Variants in PCDH15 observed in about 807,000 individuals in gnomAD.
PCDH15 encodes the protein protocadherin related 15.
In PCDH15, 129 loss-of-function variants were observed where a neutral mutation model predicts 178.5. That is an observed-to-expected ratio of 0.72 (90% CI 0.63 to 0.84). The LOEUF (loss-of-function observed/expected upper bound fraction) is 0.84, where lower values mean the gene tolerates loss of function less well. Ranked by LOEUF, PCDH15 falls within the 40% of genes least tolerant of loss-of-function variation. The pLI is 0.00. For missense variants in PCDH15, 2,230 were observed against 2,099.9 expected (o/e 1.06, Z -1.21); for synonymous variants, 800 against 732.0 (o/e 1.09, Z -1.50).
intron 2 of PCDH15, among the ~76,000 whole-genome samples, chr10:54,960,108 TG>T (rs1398321771): frequency 6.6e-6 from 1 of 152,142 alleles, no homozygotes; most frequent in African/African-American, 2.4e-5. Flanking sequence ...GCTTTATTCT[TG>T]TATTTAATAG....
chr10:55,354,216 G>A lies in PCDH15; in HGVS notation c.-155-187565C>T, dbSNP rs114333319. Among the ~76,000 whole-genome samples the A allele has an allele frequency of 5.6e-3, 846 of 152,144 alleles. 10 individuals carry two copies. The highest frequency in any genetic ancestry group is 0.019 in the African/African-American group (808 of 41,500). ...ATATCCAGATTTTGACCTCCCATCA[G>A]TTTGGATACCTGTAACCAACCTCTG... On this transcript the variant is annotated intron_variant, in intron 2 of 5. Coordinates refer to the PCDH15 transcript ENST00000613346.
At chr10:54,600,831 G>A (rs2092486493) in intron 2 of PCDH15, 2 of 365,976 alleles carry the variant, frequency 5.5e-6, no homozygotes, top group African/African-American at 2.1e-5. Context: ...TGCAAGCTCA[G>A]TGTGCTCCCC....
intron 2 of PCDH15, among the ~76,000 whole-genome samples, chr10:55,477,144 A>G (rs1384478356): frequency 1.3e-5 from 2 of 151,936 alleles, no homozygotes; most frequent in Non-Finnish European, 2.9e-5. Flanking sequence ...CCTCCTCCCC[A>G]ACAGATACTA....
At chr10:54,557,318 G>A (rs1231401315) in intron 2 of PCDH15, among the ~76,000 whole-genome samples, 2 of 152,038 alleles carry the variant, frequency 1.3e-5, no homozygotes, top group East Asian at 1.9e-4. Context: ...ATTGGGTGTG[G>A]CCAACAAATT....
At chr10:55,187,211 C>A (rs1002295577) in intron 1 of PCDH15, among the ~76,000 whole-genome samples, 16 of 151,740 alleles carry the variant, frequency 1.1e-4, no homozygotes, top group African/African-American at 3.9e-4. Context: ...TTTAAAAATC[C>A]TTTTGATAAT....
chr10:54,708,330 C>T (rs996749308), intron 1 of PCDH15, among the ~76,000 whole-genome samples: 4 of 152,134 alleles, frequency 2.6e-5, no homozygotes, highest in African/African-American at 9.7e-5. Context: ...GGTCATGGCT[C>T]ATATTTGGTA....
intron 2 of PCDH15, among the ~76,000 whole-genome samples, chr10:54,620,304 CTT>C (rs1264519520): frequency 1.3e-5 from 2 of 151,846 alleles, no homozygotes; most frequent in Non-Finnish European, 2.9e-5. Context: ...AAATACCAAT[CTT>C]ATTATTATAC....
chr10:55,177,950 TC>T, intron 1 of PCDH15, among the ~76,000 whole-genome samples: 1 of 152,280 alleles, frequency 6.6e-6, no homozygotes, highest in Admixed American at 6.5e-5. Flanking sequence ...CACACCTCTT[TC>T]TTCGAGCACA....
At chr10:54,673,743 A>G (rs932061533) in intron 1 of PCDH15, among the ~76,000 whole-genome samples, 1 of 152,150 alleles carries the variant, frequency 6.6e-6, no homozygotes, top group Non-Finnish European at 1.5e-5. Context: ...CGGCCAACAT[A>G]TAACTTTTAA....
intron 2 of PCDH15, among the ~76,000 whole-genome samples, chr10:54,914,511 A>G (rs1954869659): frequency 1.4e-5 from 2 of 142,330 alleles, no homozygotes; most frequent in South Asian, 4.4e-4. Context: ...ATTGTTACAT[A>G]CAATCAAGAT....
chr10:55,222,704 T>A (rs1301699186), intron 1 of PCDH15, among the ~76,000 whole-genome samples: 1 of 117,500 alleles, frequency 8.5e-6, no homozygotes, highest in Non-Finnish European at 1.7e-5. Flanking sequence ...TAATTTTATA[T>A]CTTTATACAC....
intron 2 of PCDH15, among the ~76,000 whole-genome samples, chr10:55,347,107 T>G (rs911261728): frequency 1.3e-5 from 2 of 151,868 alleles, no homozygotes; most frequent in African/African-American, 4.8e-5. Context: ...CCCAGCTACT[T>G]GGGAGGCTGT....
At chr10:54,602,432 T>A (rs183620153) in intron 2 of PCDH15, among the ~76,000 whole-genome samples, 2 of 152,140 alleles carry the variant, frequency 1.3e-5, no homozygotes, top group African/African-American at 4.8e-5. Flanking sequence ...ATATGTCAAC[T>A]GTAAACAGAG....
At chr10:55,225,409 G>A (rs1444559148) in intron 1 of PCDH15, among the ~76,000 whole-genome samples, 1 of 152,024 alleles carries the variant, frequency 6.6e-6, no homozygotes, top group Non-Finnish European at 1.5e-5. Flanking sequence ...GAGCAAGATA[G>A]ACTAGAGCAG....
rs147580719 is a variant in PCDH15 at position 55,481,851 on chromosome 10, A to C, written c.-156+145774T>G. On this transcript the variant is annotated intron_variant, in intron 2 of 5. Coordinates refer to the PCDH15 transcript ENST00000613346. ...AGTTCTCTATGTGTCTATCAGGTGC[A>C]TTTGATCCAGCACTGAGTTCAGGTC... Among the ~76,000 whole-genome samples the C allele has an allele frequency of 4.2e-3, 640 of 151,866 alleles. 10 individuals carry two copies. The highest frequency in any genetic ancestry group is 0.015 in the African/African-American group (609 of 41,508).
At chr10:53,924,067 C>T (rs118121958) in intron 25 of PCDH15, among the ~76,000 whole-genome samples, 4 of 152,188 alleles carry the variant, frequency 2.6e-5, no homozygotes, top group African/African-American at 7.2e-5. Context: ...TCAGCCTTGG[C>T]GCCCACTCTG....
chr10:54,013,544 A>T (rs2092653506), intron 20 of PCDH15, among the ~76,000 whole-genome samples: 1 of 152,168 alleles, frequency 6.6e-6, no homozygotes, highest in Non-Finnish European at 1.5e-5. Flanking sequence ...GAAGACTAAA[A>T]TCATACCAAC....
chr10:54,066,985 A>C, intron 17 of PCDH15, 100 bp from the exon 18 acceptor site: 57 of 1,205,218 alleles, frequency 4.7e-5, no homozygotes, highest in Non-Finnish European at 6.4e-5. Flanking sequence ...AAAGCATCTC[A>C]TTTTTCTTTC....
intron 35 of PCDH15, among the ~76,000 whole-genome samples, chr10:53,813,359 T>C (rs1362231755): frequency 2.6e-5 from 4 of 152,230 alleles, no homozygotes; most frequent in African/African-American, 9.6e-5. Flanking sequence ...CGTTTACAAA[T>C]ACTTTGTGAA....
Sources: gnomAD v4.1 joint callset for allele counts (sites outside exome capture counted in the v4.1 genomes callset) on GRCh38, gnomAD v4.1.1 for gene constraint, MANE v1.5 for transcripts, NCBI Gene and HGNC (gene_info 2026-07-23, HGNC 2026-07-21) for gene names.